The following ARHGEF38 variants were observed in gnomAD, a reference collection of about 807,000 sequenced individuals.
The protein encoded by ARHGEF38 is Rho guanine nucleotide exchange factor (GEF) 38.
Under a neutral mutation model 79.9 loss-of-function variants are expected in ARHGEF38, and 79 were observed. The observed-to-expected ratio is 0.99, with a 90% CI of 0.82 to 1.19. ARHGEF38 has a LOEUF of 1.19. Among genes scored for constraint, ARHGEF38 ranks in the 50% most tolerant of loss-of-function variants. The probability of loss-of-function intolerance (pLI) is 0.00; values close to 1 mark genes in which losing one functional copy is unlikely to be tolerated. For synonymous variants in ARHGEF38, 366 were observed against 328.3 expected, an observed-to-expected ratio of 1.11 and a Z score of -1.24; for missense variants, 962 against 907.2, an observed-to-expected ratio of 1.06 and a Z score of -0.78.
chr4:105,640,339 T>C (rs1729568657), intron 5 of ARHGEF38, among the ~76,000 whole-genome samples: 1 of 152,192 alleles, frequency 6.6e-6, no homozygotes, highest in Non-Finnish European at 1.5e-5. Flanking sequence ...TGTGCCCTCC[T>C]CCTCCACTTC....
At chr4:105,619,980 G>A (rs1046691351) in intron 3 of ARHGEF38, among the ~76,000 whole-genome samples, 1 of 152,188 alleles carries the variant, frequency 6.6e-6, no homozygotes, top group African/African-American at 2.4e-5. Flanking sequence ...GTGCCAAAGG[G>A]AGAATTTTCC....
Position 105,667,556 on chromosome 4 carries a change from C to A in ARHGEF38, c.2001C>A (p.Leu667=), listed in dbSNP as rs1346545993. The change falls in exon 13 of 14, where the codon CTC becomes CTA. Residue 667 remains leucine, a synonymous_variant. Transcript: ENST00000420470. ...FCDDDFENIS[L]FVSSRPASDS... Reference sequence around the variant, plus strand: ...ACGATGATTTTGAGAACATCAGCCTCTTCGTGTCTTCACGGCCAGCTAGTG... The same window carrying A: ...ACGATGATTTTGAGAACATCAGCCTATTCGTGTCTTCACGGCCAGCTAGTG... 6.5e-7 allele frequency: 1 copy of A among 1,536,704 alleles called. No homozygotes were observed. The highest frequency in any genetic ancestry group is 2.4e-5 in the East Asian group (1 of 40,920).
rs184586204 is a variant in ARHGEF38, at chr4:105,586,088, C to T, written c.197-3160C>T. 1.5e-4 allele frequency among the ~76,000 whole-genome samples: 23 copies of T among 151,658 alleles called. 1 individual carries two copies. In the East Asian group the frequency reaches 2.3e-3, roughly 15 times the overall value. On this transcript the variant is annotated intron_variant, in intron 1 of 13. Transcript: ENST00000420470. Reference sequence around the variant, plus strand: ...GGCTATAGCTGACTGCTGATTTGGGCGATATGTGTTGGCAATATTGTTGAG... The same window carrying T: ...GGCTATAGCTGACTGCTGATTTGGGTGATATGTGTTGGCAATATTGTTGAG...
chr4:105,643,731 GTGATAGTGACTA>G (rs1729714722), intron 5 of ARHGEF38, among the ~76,000 whole-genome samples: 1 of 152,110 alleles, frequency 6.6e-6, no homozygotes, highest in Non-Finnish European at 1.5e-5. Context: ...GTGGAGAGAT[GTGATAGTGACTA>G]GTGTATGTTT....
At chr4:105,579,570 A>G (rs1486855644) in intron 1 of ARHGEF38, among the ~76,000 whole-genome samples, 4 of 152,298 alleles carry the variant, frequency 2.6e-5, no homozygotes, top group African/African-American at 9.6e-5. Context: ...CTTGCATCCC[A>G]GGGATGAAGC....
At chr4:105,611,531 GACA>G (rs1314898514) in intron 2 of ARHGEF38, among the ~76,000 whole-genome samples, 1 of 151,916 alleles carries the variant, frequency 6.6e-6, no homozygotes, top group Non-Finnish European at 1.5e-5. Context: ...ATTATTAAAT[GACA>G]ACTTCATGTT....
chr4:105,655,764 G>T, intron 9 of ARHGEF38, 42 bp downstream of exon 9: 2 of 1,516,696 alleles, frequency 1.3e-6, no homozygotes, highest in South Asian at 1.2e-5. Context: ...ATTAAATAGT[G>T]AGGTTGAAAG....
In ARHGEF38 at chr4:105,679,585, T is replaced by C; in HGVS notation, c.*1648T>C. 1 of 934,696 alleles carries C rather than the reference T, an allele frequency of 1.1e-6. No homozygotes were observed. Among genetic ancestry groups the C allele is most frequent in the Non-Finnish European group, 1.8e-6 (1 of 562,700 alleles). 57.9% of individuals were successfully genotyped at this position (934,696 alleles called of 1,614,324 possible). On this transcript the variant is annotated 3_prime_UTR_variant, in exon 14 of 14. Coordinates refer to ENST00000420470, the MANE Select transcript of ARHGEF38 (RefSeq NM_001242729.2). ...ATCGCCCCTTTCTCTTCTATCAGTATCTGAGCTGATGGTTGGAAAAAAATC... is the reference window on the plus strand; with the variant it reads ...ATCGCCCCTTTCTCTTCTATCAGTACCTGAGCTGATGGTTGGAAAAAAATC...
At chr4:105,633,872 A>T (rs533242952) in intron 4 of ARHGEF38, among the ~76,000 whole-genome samples, 4 of 152,348 alleles carry the variant, frequency 2.6e-5, no homozygotes, top group African/African-American at 9.6e-5. Flanking sequence ...AGAAGCTTTC[A>T]CAGTGGCTGC....
At chr4:105,662,753 C>T (rs1193823028) in intron 10 of ARHGEF38, among the ~76,000 whole-genome samples, 1 of 152,058 alleles carries the variant, frequency 6.6e-6, no homozygotes, top group Non-Finnish European at 1.5e-5. Flanking sequence ...TTCATAAGTT[C>T]AGAACAAAGT....
intron 10 of ARHGEF38, among the ~76,000 whole-genome samples, chr4:105,661,310 A>G (rs1338367856): frequency 1.3e-5 from 2 of 151,932 alleles, no homozygotes; most frequent in African/African-American, 4.8e-5. Context: ...TAGTGGATAT[A>G]TGTTCCCATT....
chr4:105,660,166 G>C (rs549550374), intron 10 of ARHGEF38, among the ~76,000 whole-genome samples: 1 of 151,948 alleles, frequency 6.6e-6, no homozygotes, highest in Non-Finnish European at 1.5e-5. Context: ...ATGTTTACAG[G>C]GTTCAAAAGC....
intron 10 of ARHGEF38, among the ~76,000 whole-genome samples, chr4:105,661,084 C>T (rs1022089849): frequency 2.3e-4 from 35 of 152,162 alleles, no homozygotes; most frequent in African/African-American, 8.4e-4. Flanking sequence ...TCATACAGTA[C>T]ATGGTTATTT....
At chr4:105,666,122 C>T (rs1010238384) in intron 10 of ARHGEF38, 55 bp from the exon 11 acceptor site, 1 of 1,442,958 alleles carries the variant, frequency 6.9e-7, no homozygotes, top group African/African-American at 1.4e-5. Context: ...ACATTTAACA[C>T]CTGATATGAT....
chr4:105,612,012 C>T (rs1728315457), intron 2 of ARHGEF38, among the ~76,000 whole-genome samples: 1 of 152,108 alleles, frequency 6.6e-6, no homozygotes. Context: ...AAATAACTGA[C>T]ATAGTCACCA....
At chr4:105,563,017 G>A (rs772718193) in intron 1 of ARHGEF38, among the ~76,000 whole-genome samples, 1 of 152,152 alleles carries the variant, frequency 6.6e-6, no homozygotes, top group African/African-American at 2.4e-5. Context: ...TACGTTTGGG[G>A]ATGTGGCTAT....
At position 105,679,486 on chromosome 4, in the gene ARHGEF38, CAG is replaced by C. The variant is rs1731238347; in HGVS notation, c.*1552_*1553del. 1 of 1,554,618 alleles carries C rather than the reference CAG, an allele frequency of 6.4e-7. No homozygotes were observed. Among genetic ancestry groups the C allele is most frequent in the Non-Finnish European group, 8.9e-7 (1 of 1,128,762 alleles). Reference sequence around the variant, plus strand: ...AGAGTCATGGTCACAAACCCCTTATCAGAGTTGATTAAAGATCATGGTTCAAA... The same window carrying C: ...AGAGTCATGGTCACAAACCCCTTATCAGTTGATTAAAGATCATGGTTCAAA... On this transcript the variant is annotated 3_prime_UTR_variant, in exon 14 of 14. Transcript: ENST00000420470.
intron 1 of ARHGEF38, among the ~76,000 whole-genome samples, chr4:105,576,955 G>T (rs1028781919): frequency 6.6e-6 from 1 of 151,806 alleles, no homozygotes; most frequent in Non-Finnish European, 1.5e-5. Flanking sequence ...CGGCAACCTG[G>T]GTATGAAACA....
chr4:105,574,818 A>C (rs574499001), intron 1 of ARHGEF38, among the ~76,000 whole-genome samples: 1 of 152,300 alleles, frequency 6.6e-6, no homozygotes, highest in Non-Finnish European at 1.5e-5. Flanking sequence ...TAGTGCACCT[A>C]TCACCTGAAT....
Sources: gnomAD v4.1 joint callset for allele counts (sites outside exome capture counted in the v4.1 genomes callset) on GRCh38, gnomAD v4.1.1 for gene constraint, MANE v1.5 for transcripts, NCBI Gene and HGNC (gene_info 2026-07-23, HGNC 2026-07-21) for gene names.